SOWAHA: variants seen among roughly 807,000 people sequenced by gnomAD.
The protein encoded by SOWAHA is ankyrin repeat domain-containing protein SOWAHA.
SOWAHA carries 17 observed loss-of-function variants against 21.1 expected under a neutral mutation model. That is an observed-to-expected ratio of 0.80 (90% CI 0.55 to 1.21). SOWAHA has a LOEUF of 1.21. Among genes scored for constraint, SOWAHA ranks in the 50% most tolerant of loss-of-function variants. SOWAHA has a pLI of 0.00. For missense variants in SOWAHA, 862 were observed against 816.0 expected (o/e 1.06, Z -0.69); for synonymous variants, 422 against 397.1 (o/e 1.06, Z -0.75).
At position 132,813,934 on chromosome 5, in the gene SOWAHA, C is replaced by A; in HGVS notation, c.313C>A (p.Pro105Thr). The A allele has an allele frequency of 6.5e-7, 1 of 1,546,580 alleles. No homozygotes were observed. Among genetic ancestry groups the A allele is most frequent in the East Asian group, 2.5e-5 (1 of 40,700 alleles). ...PPGAAAQPSKPTSTVLPRSAS... is the reference protein window; with the variant it reads ...PPGAAAQPSKTTSTVLPRSAS... Reference sequence around the variant, plus strand: ...GGGGGCAGCGGCCCAGCCGTCGAAACCCACTTCGACGGTCTTGCCGCGGAG... The same window carrying A: ...GGGGGCAGCGGCCCAGCCGTCGAAAACCACTTCGACGGTCTTGCCGCGGAG... The change falls in exon 1 of 1, where the codon CCC (proline) becomes ACC (threonine). Residue 105 changes from proline (P) to threonine (T), a missense_variant. Transcript: ENST00000378693.
chr5:132,813,474 A>T lies in SOWAHA; in HGVS notation c.-148A>T. ...GCCCCGGCCCAGCGGCACTGGCGCG[A>T]CCGAGGTCCAGCTTCGGGGACACGC... On this transcript the variant is annotated 5_prime_UTR_variant, in exon 1 of 1. Coordinates refer to ENST00000378693, the MANE Select transcript of SOWAHA (RefSeq NM_175873.6). 4.8e-6 allele frequency: 2 copies of T among 418,322 alleles called. No homozygotes were observed. The highest frequency in any genetic ancestry group is 6.6e-6 in the Non-Finnish European group (2 of 302,344). 25.9% of individuals were successfully genotyped at this position (418,322 alleles called of 1,614,324 possible).
Position 132,814,468 on chromosome 5 carries a change from C to G in SOWAHA, c.847C>G (p.Arg283Gly), listed in dbSNP as rs1290552539. 2.6e-5 allele frequency: 38 copies of G among 1,444,828 alleles called. No individual in the cohort carries two copies. The highest frequency in any genetic ancestry group is 3.4e-5 in the Non-Finnish European group (38 of 1,106,566). The allele number at this position is 1,444,828 out of a possible 1,614,324, so 89.5% of individuals were successfully genotyped here. A position where few individuals can be genotyped will look rare whatever the true frequency, so the allele number is the denominator to read the frequency against. Residue 283 changes from arginine (R) to glycine (G), a missense_variant, in exon 1 of 1, where the codon CGC (arginine) becomes GGC (glycine). By Grantham distance (125) the Arg-to-Gly change is moderately radical (BLOSUM62 -2). Transcript: ENST00000378693. Reference sequence around the variant, plus strand: ...CTCCCCGCACCTGAGGCGCCTGTCGCGCGCCGGCCCGCGTCTGCTGAGCCC... The same window carrying G: ...CTCCCCGCACCTGAGGCGCCTGTCGGGCGCCGGCCCGCGTCTGCTGAGCCC... ...GRSPHLRRLS[R>G]AGPRLLSPDA...
Position 132,815,591 on chromosome 5 carries a change from C to T in SOWAHA, c.*320C>T, listed in dbSNP as rs1422547915. 3.9e-6 allele frequency: 1 copy of T among 257,338 alleles called. No individual in the cohort carries two copies. The highest frequency in any genetic ancestry group is 8.0e-6 in the Non-Finnish European group (1 of 125,024). 15.9% of individuals were successfully genotyped at this position (257,338 alleles called of 1,614,324 possible). Reference sequence around the variant, plus strand: ...TGGTCTGGCCCCTGAAAGCCTTCACCTGATGCCTCTGCAGCTACACAATCC... The same window carrying T: ...TGGTCTGGCCCCTGAAAGCCTTCACTTGATGCCTCTGCAGCTACACAATCC... On this transcript the variant is annotated 3_prime_UTR_variant, in exon 1 of 1. Coordinates refer to ENST00000378693, the MANE Select transcript of SOWAHA (RefSeq NM_175873.6).
At position 132,813,743 on chromosome 5, in the gene SOWAHA, C is replaced by T. The variant is rs1221219645; in HGVS notation, c.122C>T (p.Pro41Leu). The T allele has an allele frequency of 1.9e-6, 3 of 1,546,852 alleles. No individual in the cohort carries two copies. The highest frequency in any genetic ancestry group is 1.7e-6 in the Non-Finnish European group (2 of 1,145,506). ...RNSELLSRFK[P>L]LLDAGDPRGR... The stretch of plus-strand genomic sequence containing the variant: ...TCCGAGCTGCTGAGCCGCTTCAAGC[C>T]GCTGCTCGATGCCGGCGACCCGCGG... Residue 41 changes from proline to leucine, a missense_variant, in exon 1 of 1, where the codon CCG becomes CTG. Physicochemically the swap from Pro to Leu is moderately conservative, Grantham distance 98. Transcript: ENST00000378693.
rs1331006684 is a variant in SOWAHA at position 132,815,052 on chromosome 5, T to C, written c.1431T>C (p.Ser477=). ...CCACCATCCTCAGTTCCACCACCAGTGCATTTCTGGGCGTCCTGGCTGACG... is the reference window on the plus strand; with the variant it reads ...CCACCATCCTCAGTTCCACCACCAGCGCATTTCTGGGCGTCCTGGCTGACG... ...VAATILSSTT[S]AFLGVLADDL... The change falls in exon 1 of 1, where the codon AGT becomes AGC. Residue 477 remains serine (S), a synonymous_variant. Coordinates refer to ENST00000378693, the MANE Select transcript of SOWAHA (RefSeq NM_175873.6). 1.2e-6 allele frequency: 2 copies of C among 1,610,168 alleles called. No individual in the cohort carries two copies. The highest frequency in any genetic ancestry group is 1.7e-6 in the Non-Finnish European group (2 of 1,177,920).
At position 132,813,776 on chromosome 5, in the gene SOWAHA, C is replaced by T. The variant is rs1320401881; in HGVS notation, c.155C>T (p.Ala52Val). Residue 52 changes from alanine (A) to valine (V), a missense_variant, in exon 1 of 1, where the codon GCC becomes GTC. Ala to Val is a moderately conservative substitution (Grantham distance 64). Transcript: ENST00000378693. Reference protein sequence around the residue: ...LLDAGDPRGRAARRDRFKQFV... With the variant: ...LLDAGDPRGRVARRDRFKQFV... ...GATGCCGGCGACCCGCGGGGCCGCGCCGCCCGCAGGGACCGCTTCAAGCAG... is the reference window on the plus strand; with the variant it reads ...GATGCCGGCGACCCGCGGGGCCGCGTCGCCCGCAGGGACCGCTTCAAGCAG... 3.2e-6 allele frequency: 5 copies of T among 1,548,108 alleles called. No individual in the cohort carries two copies. The highest frequency in any genetic ancestry group is 4.4e-6 in the Non-Finnish European group (5 of 1,145,880).
In SOWAHA at chr5:132,814,308, G is replaced by T. The variant is rs1170514962; in HGVS notation, c.687G>T (p.Thr229=). 3 of 1,488,642 alleles carry T rather than the reference G, an allele frequency of 2.0e-6. No homozygotes were observed. Among genetic ancestry groups the T allele is most frequent in the Non-Finnish European group, 2.7e-6 (3 of 1,128,494 alleles). The allele number at this position is 1,488,642 out of a possible 1,614,324, so 92.2% of individuals were successfully genotyped here. Residue 229 remains threonine, a synonymous_variant, in exon 1 of 1, where the codon ACG becomes ACT. Transcript: ENST00000378693. The part of the protein sequence containing the change: ...LPVRCVPAPA[T]LRLRAEEPGL... Reference sequence around the variant, plus strand: ...TGCGCTGCGTCCCGGCCCCCGCCACGCTCCGCCTCCGGGCGGAGGAGCCCG... The same window carrying T: ...TGCGCTGCGTCCCGGCCCCCGCCACTCTCCGCCTCCGGGCGGAGGAGCCCG...
Position 132,813,397 on chromosome 5 carries a change from G to C in SOWAHA, c.-225G>C, listed in dbSNP as rs180692194. Among the ~76,000 whole-genome samples, 5,762 of 151,788 alleles carry C rather than the reference G, an allele frequency of 0.038. 347 individuals are homozygous for C. The highest frequency in any genetic ancestry group is 0.13 in the African/African-American group (5,278 of 41,444). ...TACCCCGAAGGCCGGGGCCCGGCGGGGCGCTGGGGGTGGGCGCTCCCCGCG... is the reference window on the plus strand; with the variant it reads ...TACCCCGAAGGCCGGGGCCCGGCGGCGCGCTGGGGGTGGGCGCTCCCCGCG... On this transcript the variant is annotated 5_prime_UTR_variant, in exon 1 of 1. Coordinates refer to ENST00000378693, the MANE Select transcript of SOWAHA (RefSeq NM_175873.6).
chr5:132,813,722 A>T lies in SOWAHA; in HGVS notation c.101A>T (p.Glu34Val), dbSNP rs561764738. The stretch of plus-strand genomic sequence containing the variant: ...CACGGCGGGAAGGTGCGCAACTCCG[A>T]GCTGCTGAGCCGCTTCAAGCCGCTG... Reference protein sequence around the residue: ...QEHGGKVRNSELLSRFKPLLD... With the variant: ...QEHGGKVRNSVLLSRFKPLLD... Residue 34 changes from glutamate to valine, a missense_variant, in exon 1 of 1, where the codon GAG becomes GTG. Glu to Val is a moderately radical substitution (Grantham distance 121). Coordinates refer to ENST00000378693, the MANE Select transcript of SOWAHA (RefSeq NM_175873.6). The T allele has an allele frequency of 2.4e-4, 375 of 1,543,548 alleles. 4 individuals are homozygous for T. In the South Asian group the frequency reaches 4.1e-3, roughly 17 times the overall value.
rs561988745 is a variant in SOWAHA, at chr5:132,816,260, A to T, written c.*989A>T. 6 of 167,244 alleles carry T rather than the reference A, an allele frequency of 3.6e-5. No homozygotes were observed. The South Asian group carries it at 1.0e-3, about 29-fold the overall frequency. The allele number at this position is 167,244 out of a possible 1,614,324, so 10.4% of individuals were successfully genotyped here. On this transcript the variant is annotated 3_prime_UTR_variant, in exon 1 of 1. Coordinates refer to ENST00000378693, the MANE Select transcript of SOWAHA (RefSeq NM_175873.6). ...CCTTTCAGTGAAATAGGTGACTATTAAAAAAGTAATAGTATTACAGAAAAA... is the reference window on the plus strand; with the variant it reads ...CCTTTCAGTGAAATAGGTGACTATTTAAAAAGTAATAGTATTACAGAAAAA...
Position 132,814,265 on chromosome 5 carries a change from A to G in SOWAHA, c.644A>G (p.Lys215Arg). Residue 215 changes from lysine to arginine, a missense_variant, in exon 1 of 1, where the codon AAG becomes AGG. Coordinates refer to ENST00000378693, the MANE Select transcript of SOWAHA (RefSeq NM_175873.6). ...PGAAKGPPQQ[K>R]PCMLPVRCVP... The stretch of plus-strand genomic sequence containing the variant: ...GCAGCGAAAGGGCCGCCGCAGCAGA[A>G]GCCCTGTATGCTGCCGGTGCGCTGC... The G allele has an allele frequency of 6.6e-7, 1 of 1,524,602 alleles. No individual in the cohort carries two copies. Among genetic ancestry groups the G allele is most frequent in the Non-Finnish European group, 8.7e-7 (1 of 1,143,294 alleles). 94.4% of individuals were successfully genotyped at this position (1,524,602 alleles called of 1,614,324 possible). A position where few individuals can be genotyped will look rare whatever the true frequency, so the allele number is the denominator to read the frequency against.
At position 132,813,564 on chromosome 5, in the gene SOWAHA, C is replaced by A. The variant is rs1163941685; in HGVS notation, c.-58C>A. 6 of 1,115,932 alleles carry A rather than the reference C, an allele frequency of 5.4e-6. No individual in the cohort carries two copies. The highest frequency in any genetic ancestry group is 4.8e-5 in the Admixed American group (1 of 21,012). The allele number at this position is 1,115,932 out of a possible 1,614,324, so 69.1% of individuals were successfully genotyped here. On this transcript the variant is annotated 5_prime_UTR_variant, in exon 1 of 1. Coordinates refer to ENST00000378693, the MANE Select transcript of SOWAHA (RefSeq NM_175873.6). ...CGCCTCCCGGAACCCCGCTCCCGCG[C>A]GTCCCGCGGCGACGCGGCGCCCACC... is the stretch of plus-strand genomic sequence containing the variant.
Position 132,815,395 on chromosome 5 carries a change from G to A in SOWAHA, c.*124G>A. ...TCTGTTTCCAGCTTTGTCCAGGGCA[G>A]CCTGTTTTACCCAGATGGGCCTGCA... On this transcript the variant is annotated 3_prime_UTR_variant, in exon 1 of 1. Coordinates refer to ENST00000378693, the MANE Select transcript of SOWAHA (RefSeq NM_175873.6). The A allele has an allele frequency of 2.2e-6, 2 of 897,766 alleles. No individual in the cohort carries two copies. Among genetic ancestry groups the A allele is most frequent in the Non-Finnish European group, 3.3e-6 (2 of 597,152 alleles). The allele number at this position is 897,766 out of a possible 1,614,324, so 55.6% of individuals were successfully genotyped here. A position where few individuals can be genotyped will look rare whatever the true frequency, so the allele number is the denominator to read the frequency against.
chr5:132,814,173 G>A lies in SOWAHA; in HGVS notation c.552G>A (p.Pro184=), dbSNP rs1231364356. ...TERPSADAAP[P]PRAPSEAASP... ...GACCCTCCGCAGACGCGGCCCCACC[G>A]CCTAGGGCCCCTTCTGAGGCGGCAT... The change falls in exon 1 of 1, where the codon CCG becomes CCA. Residue 184 remains proline (P), a synonymous_variant. Transcript: ENST00000378693. 7 of 1,597,742 alleles carry A rather than the reference G, an allele frequency of 4.4e-6. No homozygotes were observed. In the African/African-American group the frequency reaches 5.4e-5, roughly 12 times the overall value.
chr5:132,814,553 A>G lies in SOWAHA; in HGVS notation c.932A>G (p.Glu311Gly). The part of the protein sequence containing the change: ...PPSAVPLEPS[E>G]HEWLVRTAGG... ...TCCGCGGTGCCCCTGGAGCCGTCCG[A>G]GCACGAGTGGCTCGTGCGGACTGCC... The change falls in exon 1 of 1, where the codon GAG becomes GGG. Residue 311 changes from glutamate to glycine, a missense_variant. Coordinates refer to ENST00000378693, the MANE Select transcript of SOWAHA (RefSeq NM_175873.6). 1 of 1,423,070 alleles carries G rather than the reference A, an allele frequency of 7.0e-7. No individual in the cohort carries two copies. Among genetic ancestry groups the G allele is most frequent in the Non-Finnish European group, 9.1e-7 (1 of 1,097,168 alleles). 88.2% of individuals were successfully genotyped at this position (1,423,070 alleles called of 1,614,324 possible). A position where few individuals can be genotyped will look rare whatever the true frequency, so the allele number is the denominator to read the frequency against.
At position 132,813,580 on chromosome 5, in the gene SOWAHA, G is replaced by A; in HGVS notation, c.-42G>A. On this transcript the variant is annotated 5_prime_UTR_variant, in exon 1 of 1. Transcript: ENST00000378693. ...GCTCCCGCGCGTCCCGCGGCGACGC[G>A]GCGCCCACCCGCCCCGGGAGCCAGG... 2 of 1,175,518 alleles carry A rather than the reference G, an allele frequency of 1.7e-6. No individual in the cohort carries two copies. The highest frequency in any genetic ancestry group is 2.1e-6 in the Non-Finnish European group (2 of 949,562). The allele number at this position is 1,175,518 out of a possible 1,614,324, so 72.8% of individuals were successfully genotyped here. A position where few individuals can be genotyped will look rare whatever the true frequency, so the allele number is the denominator to read the frequency against.
chr5:132,813,948 C>T lies in SOWAHA; in HGVS notation c.327C>T (p.Val109=), dbSNP rs1342632562. Residue 109 remains valine, a synonymous_variant, in exon 1 of 1, where the codon GTC becomes GTT. Coordinates refer to ENST00000378693, the MANE Select transcript of SOWAHA (RefSeq NM_175873.6). The stretch of plus-strand genomic sequence containing the variant: ...AGCCGTCGAAACCCACTTCGACGGT[C>T]TTGCCGCGGAGCGCCTCTGCCCCGG... ...AAQPSKPTST[V]LPRSASAPGA... The T allele has an allele frequency of 6.5e-7, 1 of 1,545,930 alleles. No individual in the cohort carries two copies. Among genetic ancestry groups the T allele is most frequent in the Non-Finnish European group, 8.7e-7 (1 of 1,145,314 alleles).
Position 132,814,976 on chromosome 5 carries a change from C to T in SOWAHA, c.1355C>T (p.Thr452Ile). Residue 452 changes from threonine to isoleucine, a missense_variant, in exon 1 of 1, where the codon ACC becomes ATC. Coordinates refer to ENST00000378693, the MANE Select transcript of SOWAHA (RefSeq NM_175873.6). ...CGAGGCACCACGGAGCCAGATGCGA[C>T]CGGTGGTGGAAGTGGCAGTCTTGCT... ...GLRGTTEPDA[T>I]GGGSGSLAAR... The T allele has an allele frequency of 6.3e-7, 1 of 1,590,270 alleles. No homozygotes were observed. Among genetic ancestry groups the T allele is most frequent in the Non-Finnish European group, 8.6e-7 (1 of 1,169,028 alleles).
chr5:132,813,914 C>A lies in SOWAHA; in HGVS notation c.293C>A (p.Ala98Glu). The part of the protein sequence containing the change: ...PEPAPFGPPG[A>E]AAQPSKPTST... ...CCCGCACCCTTCGGCCCCCCGGGGG[C>A]AGCGGCCCAGCCGTCGAAACCCACT... The change falls in exon 1 of 1, where the codon GCA becomes GAA. Residue 98 changes from alanine (A) to glutamate (E), a missense_variant. Physicochemically the swap from Ala to Glu is moderately radical, Grantham distance 107. Coordinates refer to ENST00000378693, the MANE Select transcript of SOWAHA (RefSeq NM_175873.6). 6.5e-7 allele frequency: 1 copy of A among 1,546,966 alleles called. No individual in the cohort carries two copies. Among genetic ancestry groups the A allele is most frequent in the Non-Finnish European group, 8.7e-7 (1 of 1,145,574 alleles).
Sources: gnomAD v4.1 joint callset for allele counts (sites outside exome capture counted in the v4.1 genomes callset) on GRCh38, gnomAD v4.1.1 for gene constraint, MANE v1.5 for transcripts, NCBI Gene and HGNC (gene_info 2026-07-23, HGNC 2026-07-21) for gene names.